SLC26A8: variants seen among roughly 807,000 people sequenced by gnomAD.
SLC26A8 encodes testis anion transporter 1.
SLC26A8 carries 70 observed loss-of-function variants against 105.0 expected under a neutral mutation model. The ratio of observed to expected loss-of-function variants is 0.67; its 90% CI spans 0.55 to 0.81. The LOEUF is 0.81. Ranked by LOEUF, SLC26A8 falls within the 40% of genes least tolerant of loss-of-function variation. SLC26A8 has a pLI of 0.00. For synonymous variants in SLC26A8, 415 were observed against 438.3 expected, an observed-to-expected ratio of 0.95 and a Z score of 0.66; for missense variants, 998 against 1,181.8, an observed-to-expected ratio of 0.84 and a Z score of 2.28.
chr6:35,991,415 A>C (rs960207288), intron 7 of SLC26A8, among the ~76,000 whole-genome samples: 15 of 152,012 alleles, frequency 9.9e-5, no homozygotes, highest in East Asian at 3.9e-4. Flanking sequence ...AAAAAAAAAA[A>C]AAAAAACTTG....
intron 19 of SLC26A8, among the ~76,000 whole-genome samples, chr6:35,945,539 T>A: frequency 6.6e-6 from 1 of 152,168 alleles, no homozygotes; most frequent in Non-Finnish European, 1.5e-5. Flanking sequence ...GTTGCCTGAC[T>A]ACTGCTCAGC....
chr6:36,024,210 C>T, intron 1 of SLC26A8: 1 of 289,696 alleles, frequency 3.5e-6, no homozygotes, highest in Non-Finnish European at 6.7e-6. Context: ...GGTAGCACGT[C>T]AGTTCTGGGG....
intron 5 of SLC26A8, among the ~76,000 whole-genome samples, chr6:35,995,725 G>A (rs1761333333): frequency 6.6e-6 from 1 of 151,686 alleles, no homozygotes. Flanking sequence ...TGCCCAGGCT[G>A]GTCTCAAACT....
intron 1 of SLC26A8, among the ~76,000 whole-genome samples, chr6:36,021,845 G>A (rs1006336162): frequency 6.6e-6 from 1 of 152,044 alleles, no homozygotes; most frequent in South Asian, 2.1e-4. Flanking sequence ...GTGCAGTGGC[G>A]TGATCTCAGC....
chr6:35,976,550 CTTTTT>C (rs371327114), intron 9 of SLC26A8, among the ~76,000 whole-genome samples: 5,545 of 130,106 alleles, frequency 0.043, 128 homozygotes, highest in Middle Eastern at 0.1. Context: ...GAAGCCCTCG[CTTTTT>C]TTTTTTTTTT....
At chr6:35,968,601 GTGTGTGTGTATATATATA>G (rs1249728467) in intron 11 of SLC26A8, among the ~76,000 whole-genome samples, 1 of 40,556 alleles carries the variant, frequency 2.5e-5, no homozygotes, top group Non-Finnish European at 4.5e-5. Context: ...GTGTGTGTGT[GTGTGTGTGTATATATATA>G]TATATATATA....
rs1429531896 is a variant in SLC26A8, at chr6:36,024,539, G to T, written c.-38C>A. ...GGCGGGGGCGGGAGTGCGGGCGCTG[G>T]GATCCCACACGGCTCTCGCCTGGCT... On this transcript the variant is annotated 5_prime_UTR_variant, in exon 1 of 20. Transcript: ENST00000490799. 2.4e-6 allele frequency: 1 copy of T among 422,292 alleles called. No individual in the cohort carries two copies. Among genetic ancestry groups the T allele is most frequent in the Non-Finnish European group, 4.7e-6 (1 of 213,042 alleles). The allele number at this position is 422,292 out of a possible 1,614,324, so 26.2% of individuals were successfully genotyped here. A position where few individuals can be genotyped will look rare whatever the true frequency, so the allele number is the denominator to read the frequency against.
chr6:35,951,159 T>C lies in SLC26A8; in HGVS notation c.2472+4A>G, dbSNP rs774569557. On this transcript the variant is annotated splice_donor_region_variant and intron_variant, in intron 19 of 19. Transcript: ENST00000490799. ...CAACCTCATGCTTTGTCGGTTTGTC[T>C]GACCTTGTCTGTTTCTGAGTAGGTT... The C allele has an allele frequency of 6.2e-7, 1 of 1,609,230 alleles. No homozygotes were observed. The highest frequency in any genetic ancestry group is 8.5e-7 in the Non-Finnish European group (1 of 1,177,846).
At chr6:36,012,706 G>A (rs1387164319) in intron 2 of SLC26A8, among the ~76,000 whole-genome samples, 2 of 152,184 alleles carry the variant, frequency 1.3e-5, no homozygotes, top group East Asian at 1.9e-4. Context: ...CAAGTGCTAT[G>A]TATATGTCAA....
At chr6:35,994,688 A>G (rs942835339) in intron 5 of SLC26A8, among the ~76,000 whole-genome samples, 1 of 147,300 alleles carries the variant, frequency 6.8e-6, no homozygotes, top group African/African-American at 2.5e-5. Context: ...TGATTCTCCC[A>G]CCTCAGCCTC....
chr6:36,017,216 A>C (rs1346661981), intron 2 of SLC26A8, among the ~76,000 whole-genome samples: 1 of 133,012 alleles, frequency 7.5e-6, no homozygotes, highest in African/African-American at 3.1e-5. Context: ...GAAGGAGAAA[A>C]GAAAAGAAAA....
At chr6:35,979,150 C>T (rs1773168818) in intron 8 of SLC26A8, among the ~76,000 whole-genome samples, 1 of 151,404 alleles carries the variant, frequency 6.6e-6, no homozygotes, top group South Asian at 2.1e-4. Context: ...CTGTGTCTGG[C>T]CCTACTATGT....
intron 3 of SLC26A8, among the ~76,000 whole-genome samples, chr6:36,006,174 C>T (rs555061679): frequency 6.6e-6 from 1 of 152,012 alleles, no homozygotes; most frequent in Admixed American, 6.6e-5. Context: ...GGCTGGAATG[C>T]AGTGGTGTGA....
intron 1 of SLC26A8, among the ~76,000 whole-genome samples, chr6:36,023,861 C>T (rs115523495): frequency 6.9e-4 from 105 of 152,280 alleles, no homozygotes; most frequent in African/African-American, 2.5e-3. Context: ...CCTTTAGTCA[C>T]TCTGGCTAGT....
At chr6:35,991,008 T>C (rs1419083677) in intron 7 of SLC26A8, among the ~76,000 whole-genome samples, 1 of 152,174 alleles carries the variant, frequency 6.6e-6, no homozygotes, top group African/African-American at 2.4e-5. Context: ...GTGACTATAG[T>C]TAATAATGTG....
At chr6:35,955,610 C>G in intron 16 of SLC26A8, 90 bp from the exon 17 acceptor site, 1 of 1,486,876 alleles carries the variant, frequency 6.7e-7, no homozygotes, top group Non-Finnish European at 9.1e-7. Flanking sequence ...TCTCTGCCAG[C>G]TCATGTCCCT....
chr6:35,950,691 A>C (rs1049852008), intron 19 of SLC26A8, among the ~76,000 whole-genome samples: 3 of 152,212 alleles, frequency 2.0e-5, no homozygotes, highest in Non-Finnish European at 4.4e-5. Context: ...AAAGGTAATA[A>C]AGCTGAGGTA....
chr6:35,982,465 G>A (rs190683487), intron 7 of SLC26A8, among the ~76,000 whole-genome samples: 8 of 152,280 alleles, frequency 5.3e-5, no homozygotes, highest in East Asian at 1.9e-4. Context: ...ACAAATGGAC[G>A]CCATGAACTT....
chr6:35,968,202 T>C (rs552655529), intron 11 of SLC26A8, among the ~76,000 whole-genome samples: 2 of 151,164 alleles, frequency 1.3e-5, no homozygotes, highest in Non-Finnish European at 2.9e-5. Context: ...TTGAGTGCAG[T>C]GGTGGGATCT....
Sources: allele counts gnomAD v4.1 joint callset (sites outside exome capture counted in the v4.1 genomes callset), GRCh38; gene constraint gnomAD v4.1.1; transcripts MANE v1.5; gene names NCBI Gene and HGNC (gene_info 2026-07-23, HGNC 2026-07-21).